Variants in NDUFB6 observed in about 807,000 individuals in gnomAD.
NDUFB6 encodes NADH:ubiquinone oxidoreductase subunit B6.
NDUFB6 carries 23 observed loss-of-function variants against 17.5 expected under a neutral mutation model. The observed-to-expected ratio is 1.31, with a 90% CI of 0.94 to 1.86. The LOEUF is 1.86. Ranked by LOEUF, NDUFB6 falls within the 40% of genes most tolerant of loss-of-function variation. The pLI, the probability that NDUFB6 is intolerant of heterozygous loss-of-function variation, is 0.00. For synonymous variants in NDUFB6, 60 were observed against 53.5 expected (o/e 1.12, Z -0.53); for missense variants, 167 against 153.8 (o/e 1.09, Z -0.46).
chr9:32,558,792 G>A, intron 3 of NDUFB6, 118 bp downstream of exon 3: 1 of 623,812 alleles, frequency 1.6e-6, no homozygotes, highest in Non-Finnish European at 2.6e-6. Context: ...CACAAAACAG[G>A]GACTTAAACC....
chr9:32,560,992 A>G (rs1228991642), intron 2 of NDUFB6, among the ~76,000 whole-genome samples: 3 of 152,248 alleles, frequency 2.0e-5, no homozygotes, highest in African/African-American at 4.8e-5. Flanking sequence ...AGAAAGTAAT[A>G]TATTTTCTTC....
At chr9:32,558,666 C>T (rs1821540266) in intron 3 of NDUFB6, among the ~76,000 whole-genome samples, 1 of 152,198 alleles carries the variant, frequency 6.6e-6, no homozygotes, top group Non-Finnish European at 1.5e-5. Flanking sequence ...GGTCACAAAA[C>T]ACGTTTTACA....
intron 2 of NDUFB6, among the ~76,000 whole-genome samples, chr9:32,563,459 C>T: frequency 1.4e-5 from 2 of 143,084 alleles, no homozygotes; most frequent in African/African-American, 5.3e-5. Flanking sequence ...GATCCTCCTG[C>T]TTCAGCCTCC....
rs10703297 is a variant in NDUFB6, at chr9:32,556,846, CTTTTTTTTTTT to C, written c.318+2053_318+2063del. Among the ~76,000 whole-genome samples the C allele has an allele frequency of 1.5e-4, 12 of 82,386 alleles. No homozygotes were observed. The South Asian group carries it at 3.0e-3, about 21-fold the overall frequency. 54.0% of individuals were successfully genotyped at this position (82,386 alleles called of 152,430 possible). Reference sequence around the variant, plus strand: ...ATAAAACAAAAGGAGAAATCCCCTACTTTTTTTTTTTTTTTTTTTTTTTTTTGAGGCAGGGT... The same window carrying C: ...ATAAAACAAAAGGAGAAATCCCCTACTTTTTTTTTTTTTTTGAGGCAGGGT... On this transcript the variant is annotated intron_variant, in intron 3 of 3. Coordinates refer to ENST00000379847, the MANE Select transcript of NDUFB6 (RefSeq NM_002493.5).
At chr9:32,564,076 G>C (rs1245979024) in intron 2 of NDUFB6, among the ~76,000 whole-genome samples, 1 of 152,102 alleles carries the variant, frequency 6.6e-6, no homozygotes, top group Admixed American at 6.5e-5. Flanking sequence ...AATTACTAAG[G>C]AGTGGCAATG....
At chr9:32,558,753 T>TG (rs1406818818) in intron 3 of NDUFB6, among the ~76,000 whole-genome samples, 157 bp downstream of exon 3, 2 of 152,168 alleles carry the variant, frequency 1.3e-5, no homozygotes, top group East Asian at 3.8e-4. Context: ...CCTGTTTTTT[T>TG]TTGTTTTGTT....
At chr9:32,570,730 A>G (rs1821918223) in intron 2 of NDUFB6, among the ~76,000 whole-genome samples, 1 of 152,176 alleles carries the variant, frequency 6.6e-6, no homozygotes. Context: ...TATCACTTAA[A>G]TACTAATTTC....
At chr9:32,562,134 C>T (rs571269046) in intron 2 of NDUFB6, among the ~76,000 whole-genome samples, 11 of 152,290 alleles carry the variant, frequency 7.2e-5, no homozygotes, top group Admixed American at 5.9e-4. Flanking sequence ...CATACGGCCA[C>T]GTTCATTACT....
At chr9:32,558,192 A>G (rs1821525071) in intron 3 of NDUFB6, among the ~76,000 whole-genome samples, 2 of 149,342 alleles carry the variant, frequency 1.3e-5, no homozygotes, top group Non-Finnish European at 3.0e-5. Context: ...GCTCACTGCA[A>G]GCTCCACCTC....
chr9:32,566,872 G>A (rs555907321), intron 2 of NDUFB6: 50 of 642,930 alleles, frequency 7.8e-5, no homozygotes, highest in South Asian at 5.6e-4. Flanking sequence ...GATGAGCCAC[G>A]CGTGCGGCTG....
chr9:32,570,837 A>T (rs1200101533), intron 2 of NDUFB6, 123 bp downstream of exon 2: 3 of 589,312 alleles, frequency 5.1e-6, no homozygotes, highest in Non-Finnish European at 8.6e-6. Context: ...ACCTAAGAGA[A>T]TTCAAAGTAC....
chr9:32,557,477 T>A (rs1821498536), intron 3 of NDUFB6, among the ~76,000 whole-genome samples: 1 of 149,926 alleles, frequency 6.7e-6, no homozygotes, highest in Admixed American at 6.6e-5. Context: ...CTACTTTTTT[T>A]TTTCCTTTTT....
chr9:32,572,917 A>G lies in NDUFB6; in HGVS notation c.144T>C (p.Asn48=). ...QKMGPMEKFW[N]KFLENKSPWR... is the part of the protein sequence containing the mutation. The stretch of plus-strand genomic sequence containing the variant: ...AAGGGGATTTATTCTCCAAAAATTT[A>G]TTCCAGAATTTCTCCATAGGCCCCA... The change falls in exon 1 of 4, where the codon AAT becomes AAC. Residue 48 remains asparagine (N), a synonymous_variant. Transcript: ENST00000379847. 1 of 1,604,384 alleles carries G rather than the reference A, an allele frequency of 6.2e-7. No homozygotes were observed. Among genetic ancestry groups the G allele is most frequent in the Non-Finnish European group, 8.5e-7 (1 of 1,175,352 alleles).
At chr9:32,559,852 G>T (rs1821578687) in intron 2 of NDUFB6, among the ~76,000 whole-genome samples, 1 of 152,118 alleles carries the variant, frequency 6.6e-6, no homozygotes, top group African/African-American at 2.4e-5. Context: ...GACTCAATCT[G>T]CTCTGTTCAC....
intron 2 of NDUFB6, among the ~76,000 whole-genome samples, chr9:32,563,716 AT>A (rs1364186412): frequency 6.6e-6 from 1 of 152,142 alleles, no homozygotes; most frequent in African/African-American, 2.4e-5. Flanking sequence ...CATTCAGCAA[AT>A]TATTGCATCA....
chr9:32,558,971 C>A lies in NDUFB6; in HGVS notation c.274-17G>T, dbSNP rs1281500631. On this transcript the variant is annotated splice_polypyrimidine_tract_variant and intron_variant, in intron 2 of 3. Transcript: ENST00000379847. Reference sequence around the variant, plus strand: ...TGGTTTTTCCTGTAATAAAAGTTAACTCTGTGTTAATTATGGTGTTAAGAG... The same window carrying A: ...TGGTTTTTCCTGTAATAAAAGTTAAATCTGTGTTAATTATGGTGTTAAGAG... 6.4e-7 allele frequency: 1 copy of A among 1,557,440 alleles called. No homozygotes were observed. Among genetic ancestry groups the A allele is most frequent in the Non-Finnish European group, 8.8e-7 (1 of 1,134,236 alleles).
At position 32,568,056 on chromosome 9, in the gene NDUFB6, A is replaced by G. The variant is rs28778359; in HGVS notation, c.273+2904T>C. 2.4e-5 allele frequency: 4 copies of G among 164,030 alleles called. No homozygotes were observed. The South Asian group carries it at 8.4e-4, about 34-fold the overall frequency. 10.2% of individuals were successfully genotyped at this position (164,030 alleles called of 1,614,324 possible). A position where few individuals can be genotyped will look rare whatever the true frequency, so the allele number is the denominator to read the frequency against. ...CACAGCAAGACCTTGTCTCAAAAAGAAAAAAAAAAGATAGTGATTCCTCTG... is the reference window on the plus strand; with the variant it reads ...CACAGCAAGACCTTGTCTCAAAAAGGAAAAAAAAAGATAGTGATTCCTCTG... On this transcript the variant is annotated intron_variant, in intron 2 of 3. Transcript: ENST00000379847.
At chr9:32,563,560 G>A (rs1224742197) in intron 2 of NDUFB6, among the ~76,000 whole-genome samples, 1 of 139,804 alleles carries the variant, frequency 7.2e-6, no homozygotes, top group Non-Finnish European at 1.5e-5. Flanking sequence ...TTGGCCTCAA[G>A]CAGTCCTCCC....
chr9:32,565,480 A>C (rs1821756303), intron 2 of NDUFB6: 1 of 152,210 alleles, frequency 6.6e-6, no homozygotes, highest in South Asian at 2.1e-4. Flanking sequence ...CTTGTCCCTC[A>C]AACAAGAGTG....
Sources: gnomAD v4.1 joint callset for allele counts (sites outside exome capture counted in the v4.1 genomes callset) on GRCh38, gnomAD v4.1.1 for gene constraint, MANE v1.5 for transcripts, NCBI Gene and HGNC (gene_info 2026-07-23, HGNC 2026-07-21) for gene names.